The following RXFP2 variants were observed in gnomAD, a reference collection of about 807,000 sequenced individuals.
The protein encoded by RXFP2 is relaxin receptor 2.
In RXFP2, 68 loss-of-function variants were observed where a neutral mutation model predicts 88.6. The ratio of observed to expected loss-of-function variants is 0.77; its 90% CI spans 0.63 to 0.94. The LOEUF is 0.94. RXFP2 is among the 40% of genes least tolerant of loss of function. The probability of loss-of-function intolerance (pLI) is 0.00; values close to 1 mark genes in which losing one functional copy is unlikely to be tolerated. For missense variants in RXFP2, 791 were observed against 893.9 expected (o/e 0.88, Z 1.47); for synonymous variants, 329 against 306.8 (o/e 1.07, Z -0.76).
At chr13:31,789,093 C>A (rs779796215) in intron 13 of RXFP2, 29 bp from the exon 14 acceptor site, 8 of 1,394,998 alleles carry the variant, frequency 5.7e-6, no homozygotes, top group Non-Finnish European at 7.1e-6. Flanking sequence ...CATCTCAACA[C>A]CATTAAACCT....
At chr13:31,742,063 T>A (rs1269635937) in intron 1 of RXFP2, among the ~76,000 whole-genome samples, 1 of 152,056 alleles carries the variant, frequency 6.6e-6, no homozygotes, top group African/African-American at 2.4e-5. Context: ...ATCTCTAAAA[T>A]AAAGTTATTA....
rs1199488261 is a variant in RXFP2 at position 31,764,601 on chromosome 13, G to A, written c.320-436G>A. ...CAATCTTCTCATGGCTCTAAGGGAA[G>A]TTTGAAGGAAGAAAAAAAATGAATC... On this transcript the variant is annotated intron_variant, in intron 3 of 17. Coordinates refer to ENST00000298386, the MANE Select transcript of RXFP2 (RefSeq NM_130806.5). Among the ~76,000 whole-genome samples the A allele has an allele frequency of 2.0e-5, 3 of 152,182 alleles. 1 individual carries two copies. The highest frequency in any genetic ancestry group is 4.1e-4 in the South Asian group (2 of 4,832).
intron 5 of RXFP2, among the ~76,000 whole-genome samples, chr13:31,767,178 A>G (rs1872580934): frequency 6.6e-6 from 1 of 152,212 alleles, no homozygotes; most frequent in Admixed American, 6.5e-5. Flanking sequence ...GAATTTAGGT[A>G]TAAATTTCCT....
chr13:31,792,613 T>C, intron 15 of RXFP2, 65 bp from the exon 16 acceptor site: 1 of 1,480,408 alleles, frequency 6.8e-7, no homozygotes, highest in Non-Finnish European at 9.4e-7. Context: ...GAAATAGACT[T>C]AATCAGAAAA....
intron 1 of RXFP2, among the ~76,000 whole-genome samples, chr13:31,755,218 G>A (rs1478911586): frequency 6.6e-6 from 1 of 152,194 alleles, no homozygotes; most frequent in African/African-American, 2.4e-5. Context: ...ACTAACGAAT[G>A]TGTTTAAATA....
chr13:31,760,417 C>A (rs1234308120), intron 2 of RXFP2, among the ~76,000 whole-genome samples: 1 of 152,172 alleles, frequency 6.6e-6, no homozygotes, highest in Non-Finnish European at 1.5e-5. Flanking sequence ...TCTTCCTAGA[C>A]AGGAACTCCT....
chr13:31,748,379 A>C (rs1007076805), intron 1 of RXFP2, among the ~76,000 whole-genome samples: 2 of 152,196 alleles, frequency 1.3e-5, no homozygotes, highest in Admixed American at 6.5e-5. Context: ...TTACATCCTC[A>C]CCAAATAGTG....
At chr13:31,783,760 G>T (rs1204833825) in intron 11 of RXFP2, among the ~76,000 whole-genome samples, 2 of 151,994 alleles carry the variant, frequency 1.3e-5, no homozygotes, top group Non-Finnish European at 2.9e-5. Flanking sequence ...GTTGCATGGT[G>T]GGGTGGAGGA....
intron 11 of RXFP2, among the ~76,000 whole-genome samples, chr13:31,785,793 A>G (rs540278786): frequency 6.6e-6 from 1 of 152,264 alleles, no homozygotes; most frequent in South Asian, 2.1e-4. Flanking sequence ...CACATTTTAT[A>G]GAGTCACTTT....
intron 5 of RXFP2, among the ~76,000 whole-genome samples, chr13:31,768,883 A>C (rs576312030): frequency 6.6e-6 from 1 of 152,030 alleles, no homozygotes; most frequent in Admixed American, 6.6e-5. Context: ...CCCAATCCTC[A>C]TTCAATGACC....
At chr13:31,758,993 GC>G (rs955382872) in intron 2 of RXFP2, among the ~76,000 whole-genome samples, 33 of 151,590 alleles carry the variant, frequency 2.2e-4, no homozygotes, top group African/African-American at 6.1e-4. Context: ...GTTGCGGTGA[GC>G]CCAGATGGCA....
At chr13:31,747,454 A>G (rs1378286664) in intron 1 of RXFP2, among the ~76,000 whole-genome samples, 4 of 152,222 alleles carry the variant, frequency 2.6e-5, no homozygotes, top group African/African-American at 7.2e-5. Context: ...CCACACTGAC[A>G]TCATCATCAG....
At chr13:31,792,480 T>C (rs1392886049) in intron 15 of RXFP2, among the ~76,000 whole-genome samples, 198 bp from the exon 16 acceptor site, 1 of 152,188 alleles carries the variant, frequency 6.6e-6, no homozygotes, top group Non-Finnish European at 1.5e-5. Flanking sequence ...AAAAACATAG[T>C]GTAGTACTTT....
In RXFP2 at chr13:31,802,496, C is replaced by T. The variant is rs1355813220; in HGVS notation, c.*91C>T. The T allele has an allele frequency of 1.5e-6, 2 of 1,377,794 alleles. No individual in the cohort carries two copies. The highest frequency in any genetic ancestry group is 2.8e-5 in the African/African-American group (2 of 70,246). 85.3% of individuals were successfully genotyped at this position (1,377,794 alleles called of 1,614,324 possible). On this transcript the variant is annotated 3_prime_UTR_variant, in exon 18 of 18. Coordinates refer to ENST00000298386, the MANE Select transcript of RXFP2 (RefSeq NM_130806.5). Reference sequence around the variant, plus strand: ...ACATCTGCAATGCTTTTCATCTTTACCAACGGCAAGCCTTTCTGCACAGAG... The same window carrying T: ...ACATCTGCAATGCTTTTCATCTTTATCAACGGCAAGCCTTTCTGCACAGAG...
chr13:31,753,940 T>C (rs1469646555), intron 1 of RXFP2, among the ~76,000 whole-genome samples: 3 of 152,178 alleles, frequency 2.0e-5, no homozygotes, highest in Non-Finnish European at 2.9e-5. Flanking sequence ...ATACATTGTA[T>C]TCATTTATTC....
chr13:31,773,493 T>C (rs979899914), intron 5 of RXFP2, among the ~76,000 whole-genome samples: 1 of 152,140 alleles, frequency 6.6e-6, no homozygotes. Context: ...TAAATAAGTG[T>C]ACTTTACCAT....
intron 9 of RXFP2, 147 bp downstream of exon 9, chr13:31,778,730 A>G (rs1416642691): frequency 5.3e-6 from 4 of 754,088 alleles, no homozygotes; most frequent in African/African-American, 1.7e-5. Context: ...TTTCAAAATT[A>G]TTTGAGGGTT....
At chr13:31,761,934 A>T (rs894028453) in intron 3 of RXFP2, 133 bp downstream of exon 3, 9 of 595,292 alleles carry the variant, frequency 1.5e-5, no homozygotes, top group Admixed American at 2.3e-5. Context: ...ACTGGCTAAC[A>T]GGTCTGCTGT....
intron 13 of RXFP2, 152 bp from the exon 14 acceptor site, chr13:31,788,970 C>A: frequency 1.6e-6 from 1 of 639,028 alleles, no homozygotes; most frequent in Non-Finnish European, 2.8e-6. Flanking sequence ...ATAGAAACAG[C>A]CATTTTCTAA....
Sources: allele counts gnomAD v4.1 joint callset (sites outside exome capture counted in the v4.1 genomes callset), GRCh38; gene constraint gnomAD v4.1.1; transcripts MANE v1.5; gene names NCBI Gene and HGNC (gene_info 2026-07-23, HGNC 2026-07-21).